The following SLC30A9 variants were observed in gnomAD, a reference collection of about 807,000 sequenced individuals.
SLC30A9 encodes the protein proton-coupled zinc antiporter SLC30A9, mitochondrial.
SLC30A9 carries 58 observed loss-of-function variants against 87.5 expected under a neutral mutation model. The ratio of observed to expected loss-of-function variants is 0.66; its 90% CI spans 0.54 to 0.82. SLC30A9 has a LOEUF of 0.82. SLC30A9 is among the 40% of genes least tolerant of loss of function. The pLI is 0.00. For synonymous variants in SLC30A9, 234 were observed against 233.0 expected (o/e 1.00, Z -0.04); for missense variants, 557 against 679.1 (o/e 0.82, Z 2.00).
At chr4:42,051,558 AAAAT>A (rs1717385059) in intron 9 of SLC30A9, among the ~76,000 whole-genome samples, 1 of 152,210 alleles carries the variant, frequency 6.6e-6, no homozygotes, top group African/African-American at 2.4e-5. Context: ...AAAGGTATAA[AAAAT>A]AAACCAAATG....
At chr4:42,083,223 T>A (rs561271097) in intron 17 of SLC30A9, among the ~76,000 whole-genome samples, 1 of 152,350 alleles carries the variant, frequency 6.6e-6, no homozygotes, top group Non-Finnish European at 1.5e-5. Flanking sequence ...TTTTAATGAA[T>A]CTGCAGCATT....
intron 9 of SLC30A9, among the ~76,000 whole-genome samples, chr4:42,054,217 G>C (rs780129470): frequency 6.6e-6 from 1 of 152,078 alleles, no homozygotes; most frequent in African/African-American, 2.4e-5. Context: ...CATTAGCTGA[G>C]CGTGGTGGTA....
At chr4:41,992,107 C>T (rs1577672049) in intron 1 of SLC30A9, among the ~76,000 whole-genome samples, 1 of 151,930 alleles carries the variant, frequency 6.6e-6, no homozygotes, top group South Asian at 2.1e-4. Flanking sequence ...AACCTTAGGA[C>T]GCTGAGGTGG....
Position 42,088,186 on chromosome 4 carries a change from A to G in SLC30A9, c.*2060A>G, listed in dbSNP as rs1054087933. 6.6e-6 allele frequency: 1 copy of G among 152,236 alleles called. No individual in the cohort carries two copies. Among genetic ancestry groups the G allele is most frequent in the Admixed American group, 6.5e-5 (1 of 15,280 alleles). The allele number at this position is 152,236 out of a possible 1,614,324, so 9.4% of individuals were successfully genotyped here. On this transcript the variant is annotated 3_prime_UTR_variant, in exon 18 of 18. Transcript: ENST00000264451. ...AAAATAAGACATAAAGGAGTACAAC[A>G]TATCAAGGAATTTGAGTATTTATGT...
At chr4:42,025,079 C>T (rs1716131421) in intron 6 of SLC30A9, among the ~76,000 whole-genome samples, 1 of 140,704 alleles carries the variant, frequency 7.1e-6, no homozygotes, top group Non-Finnish European at 1.6e-5. Flanking sequence ...CTTTTAATGC[C>T]CATCATCTGG....
chr4:42,026,460 T>G (rs1188450411), intron 6 of SLC30A9, among the ~76,000 whole-genome samples: 1 of 152,242 alleles, frequency 6.6e-6, no homozygotes, highest in East Asian at 1.9e-4. Context: ...TATTTTTCTT[T>G]GATAATCAGG....
At chr4:42,051,744 G>A (rs1439332847) in intron 9 of SLC30A9, among the ~76,000 whole-genome samples, 1 of 152,050 alleles carries the variant, frequency 6.6e-6, no homozygotes, top group Non-Finnish European at 1.5e-5. Flanking sequence ...GGAAGCCTTG[G>A]TAACCTATGG....
chr4:42,034,873 G>A (rs980776450), intron 6 of SLC30A9, among the ~76,000 whole-genome samples: 2 of 151,964 alleles, frequency 1.3e-5, no homozygotes, highest in African/African-American at 2.4e-5. Context: ...CATAACAATT[G>A]CACCATTTTA....
Position 42,022,080 on chromosome 4 carries a change from C to CTGT in SLC30A9, c.435-758_435-757insTGT, listed in dbSNP as rs1560541086. ...CCTCCCGAGTAGCTGGGACTACAGG[C>CTGT]GCCCGCCACCACGCCCGGCTAATTT... On this transcript the variant is annotated intron_variant, in intron 4 of 17. Transcript: ENST00000264451. Among the ~76,000 whole-genome samples, 2 of 27,466 alleles carry CTGT rather than the reference C, an allele frequency of 7.3e-5. 1 individual carries two copies. The highest frequency in any genetic ancestry group is 5.4e-4 in the Non-Finnish European group (2 of 3,688). 18.0% of individuals were successfully genotyped at this position (27,466 alleles called of 152,430 possible).
At position 42,035,295 on chromosome 4, in the gene SLC30A9, A is replaced by C. The variant is rs1716633600; in HGVS notation, c.631A>C (p.Ile211Leu). 6.2e-7 allele frequency: 1 copy of C among 1,602,638 alleles called. No individual in the cohort carries two copies. The highest frequency in any genetic ancestry group is 1.1e-5 in the South Asian group (1 of 90,834). Residue 211 changes from isoleucine (I) to leucine (L), a missense_variant, in exon 7 of 18, where the codon ATA becomes CTA. Transcript: ENST00000264451. ...TACAGGGCTATTTAGAAACCAAAAA[A>C]TATTAAGAGAATACAGAGATTTCTT... ...YRERLFRNQK[I>L]LREYRDFLGN... is the part of the protein sequence containing the mutation.
At chr4:42,002,354 G>A (rs1008191252) in intron 2 of SLC30A9, among the ~76,000 whole-genome samples, 2 of 151,630 alleles carry the variant, frequency 1.3e-5, no homozygotes, top group Non-Finnish European at 2.9e-5. Context: ...TGAGGTATGA[G>A]GTACACGTGA....
chr4:42,040,296 TGGA>T (rs1346550053), intron 8 of SLC30A9, among the ~76,000 whole-genome samples: 1 of 152,180 alleles, frequency 6.6e-6, no homozygotes, highest in Non-Finnish European at 1.5e-5. Context: ...CTTTTCTCAT[TGGA>T]GGGATGTATG....
At chr4:42,065,395 T>C (rs781431029) in intron 12 of SLC30A9, 46 bp downstream of exon 12, 1 of 984,140 alleles carries the variant, frequency 1.0e-6, no homozygotes, top group Admixed American at 1.8e-5. Context: ...TTTAGTAATA[T>C]ATATTCAGCT....
intron 1 of SLC30A9, among the ~76,000 whole-genome samples, chr4:41,997,467 T>A (rs1410151520): frequency 1.3e-5 from 2 of 152,234 alleles, no homozygotes; most frequent in Admixed American, 6.5e-5. Flanking sequence ...GCATTTTTTT[T>A]AATACAGGGA....
At chr4:42,058,283 G>C (rs1717706099) in intron 9 of SLC30A9, among the ~76,000 whole-genome samples, 1 of 152,056 alleles carries the variant, frequency 6.6e-6, no homozygotes. Flanking sequence ...CATAACAAGA[G>C]TCACCTTTGC....
At chr4:42,021,269 A>G (rs1282261284) in intron 4 of SLC30A9, among the ~76,000 whole-genome samples, 1 of 152,236 alleles carries the variant, frequency 6.6e-6, no homozygotes, top group Non-Finnish European at 1.5e-5. Flanking sequence ...ATAGACCAGG[A>G]TGAGCATAAT....
rs1423477958 is a variant in SLC30A9, at chr4:42,085,635, C to CAG, written c.1663-444_1663-443dup. ...AAACTGAGTCACTCAGGGTCAGGAA[C>CAG]AGAGTCTTATTTAATAATCATAGCT... On this transcript the variant is annotated intron_variant, in intron 17 of 17. Transcript: ENST00000264451. Among the ~76,000 whole-genome samples the CAG allele has an allele frequency of 2.0e-5, 3 of 152,162 alleles. 1 individual carries two copies. The highest frequency in any genetic ancestry group is 7.2e-5 in the African/African-American group (3 of 41,448).
At chr4:42,029,998 A>C in intron 6 of SLC30A9, 1 of 898,118 alleles carries the variant, frequency 1.1e-6, no homozygotes, top group Non-Finnish European at 1.8e-6. Context: ...CTTGTTGTAC[A>C]GTTCACCAAC....
chr4:42,016,726 A>C (rs546617722), intron 2 of SLC30A9, among the ~76,000 whole-genome samples: 6 of 152,156 alleles, frequency 3.9e-5, no homozygotes, highest in Non-Finnish European at 7.4e-5. Context: ...TAAAAGCTCA[A>C]AGAAAGATGG....
Sources: gnomAD v4.1 joint callset for allele counts (sites outside exome capture counted in the v4.1 genomes callset) on GRCh38, gnomAD v4.1.1 for gene constraint, MANE v1.5 for transcripts, NCBI Gene and HGNC (gene_info 2026-07-23, HGNC 2026-07-21) for gene names.